MINDY3: variants seen among roughly 807,000 people sequenced by gnomAD.
The protein encoded by MINDY3 is MINDY lysine 48 deubiquitinase 3.
A neutral mutation model predicts 69.2 loss-of-function variants in MINDY3; 38 were observed. That is an observed-to-expected ratio of 0.55 (90% confidence interval 0.42 to 0.72). MINDY3 has a LOEUF of 0.72. MINDY3 is among the 30% of genes least tolerant of loss of function. MINDY3 has a pLI of 0.00. For synonymous variants in MINDY3, 192 were observed against 180.1 expected, an observed-to-expected ratio of 1.07 and a Z score of -0.53; for missense variants, 522 against 519.0, an observed-to-expected ratio of 1.01 and a Z score of -0.06.
At position 15,782,181 on chromosome 10, in the gene MINDY3, A is replaced by G. The variant is rs1836594191; in HGVS notation, c.1162T>C (p.Leu388=). 6 of 1,611,210 alleles carry G rather than the reference A, an allele frequency of 3.7e-6. No individual in the cohort carries two copies. Among genetic ancestry groups the G allele is most frequent in the African/African-American group, 1.3e-5 (1 of 74,818 alleles). ...ESFTVYHYNG[L]KQSNYNEKVM... ...TTTTCATTATAATTTGACTGCTTCA[A>G]TCCATTGTAGTGGTAGACAGTAAAA... The change falls in exon 14 of 15, where the codon TTG becomes CTG. Residue 388 remains leucine (L), a synonymous_variant. Coordinates refer to ENST00000277632, the MANE Select transcript of MINDY3 (RefSeq NM_024948.4).
At chr10:15,848,633 C>CAAA (rs10719399) in intron 1 of MINDY3, among the ~76,000 whole-genome samples, 1,811 of 48,862 alleles carry the variant, frequency 0.037, 80 homozygotes, top group Non-Finnish European at 0.044. Context: ...GACTTCATCT[C>CAAA]AAAAAAAAAA....
intron 12 of MINDY3, among the ~76,000 whole-genome samples, chr10:15,788,656 A>G (rs919041372): frequency 6.6e-6 from 1 of 152,186 alleles, no homozygotes; most frequent in African/African-American, 2.4e-5. Context: ...TAATAACTAA[A>G]GATCTTAATC....
At position 15,826,816 on chromosome 10, in the gene MINDY3, C is replaced by G. The variant is rs561605388; in HGVS notation, c.731-5090G>C. Among the ~76,000 whole-genome samples the G allele has an allele frequency of 3.3e-5, 5 of 152,120 alleles. No homozygotes were observed. In the East Asian group the frequency reaches 9.7e-4, roughly 29 times the overall value. ...TGTGGAGAACTGACTGGAATTAGGA[C>G]ATTAGATAATTCTTTGAGAAAAAGT... On this transcript the variant is annotated intron_variant, in intron 8 of 14. Coordinates refer to ENST00000277632, the MANE Select transcript of MINDY3 (RefSeq NM_024948.4).
Position 15,817,113 on chromosome 10 carries a change from T to C in MINDY3, c.802-198A>G, listed in dbSNP as rs941504448. ...GTTAGAAGACTGTCAGTACTGAGCT[T>C]ATATTGTGCTTTGACATTAAAACAA... is the stretch of plus-strand genomic sequence containing the variant. On this transcript the variant is annotated intron_variant, in intron 9 of 14. Coordinates refer to ENST00000277632, the MANE Select transcript of MINDY3 (RefSeq NM_024948.4). The C allele has an allele frequency of 3.1e-5, 16 of 514,276 alleles. 1 individual carries two copies. In the South Asian group the frequency reaches 4.9e-4, roughly 16 times the overall value. The allele number at this position is 514,276 out of a possible 1,614,324, so 31.9% of individuals were successfully genotyped here.
At chr10:15,820,512 T>G (rs1427020079) in intron 9 of MINDY3, among the ~76,000 whole-genome samples, 1 of 152,156 alleles carries the variant, frequency 6.6e-6, no homozygotes, top group African/African-American at 2.4e-5. Context: ...GTATATGTGT[T>G]AGGGGGAAGG....
At chr10:15,827,352 G>A (rs1269674433) in intron 8 of MINDY3, among the ~76,000 whole-genome samples, 1 of 151,868 alleles carries the variant, frequency 6.6e-6, no homozygotes, top group Non-Finnish European at 1.5e-5. Context: ...GACCAGCCTG[G>A]CTAACATGGT....
At chr10:15,852,152 T>C (rs1834346369) in intron 1 of MINDY3, among the ~76,000 whole-genome samples, 1 of 152,196 alleles carries the variant, frequency 6.6e-6, no homozygotes, top group South Asian at 2.1e-4. Flanking sequence ...CTGTAGTTAT[T>C]GTTTGTTTAC....
At chr10:15,790,626 G>T (rs1347131958) in intron 11 of MINDY3, among the ~76,000 whole-genome samples, 1 of 152,052 alleles carries the variant, frequency 6.6e-6, no homozygotes, top group Admixed American at 6.6e-5. Context: ...AGGTTTCTGT[G>T]TTTATAGGCT....
At chr10:15,796,734 C>T (rs1362842046) in intron 10 of MINDY3, among the ~76,000 whole-genome samples, 8 of 151,946 alleles carry the variant, frequency 5.3e-5, no homozygotes, top group Admixed American at 5.3e-4. Context: ...AAAGGAAACA[C>T]CCTAGAGGAC....
intron 3 of MINDY3, among the ~76,000 whole-genome samples, chr10:15,842,399 ATATAG>A (rs1328300350): frequency 2.0e-5 from 3 of 151,906 alleles, no homozygotes; most frequent in Non-Finnish European, 4.4e-5. Context: ...AATATAGTGA[ATATAG>A]TATAAGAAAT....
At chr10:15,795,674 T>C (rs994667657) in intron 11 of MINDY3, among the ~76,000 whole-genome samples, 5 of 152,068 alleles carry the variant, frequency 3.3e-5, no homozygotes, top group African/African-American at 1.2e-4. Flanking sequence ...TAGCTAAGCA[T>C]AGGCTCCAAA....
In MINDY3 at chr10:15,833,310, G is replaced by A. The variant is rs180852962; in HGVS notation, c.730+320C>T. 2.0e-3 allele frequency among the ~76,000 whole-genome samples: 305 copies of A among 152,266 alleles called. 3 individuals carry two copies. The highest frequency in any genetic ancestry group is 6.1e-3 in the African/African-American group (252 of 41,550). On this transcript the variant is annotated intron_variant, in intron 8 of 14. Coordinates refer to ENST00000277632, the MANE Select transcript of MINDY3 (RefSeq NM_024948.4). The stretch of plus-strand genomic sequence containing the variant: ...TAATGCTCCATTTTAAGCAAAGAGT[G>A]CAGTAATATCTCTGAATAAATATGC...
At chr10:15,790,254 GTCTTTTCTATTCTTAAACC>G (rs373247788) in intron 11 of MINDY3, among the ~76,000 whole-genome samples, 1,693 of 152,198 alleles carry the variant, frequency 0.011, 12 homozygotes, top group African/African-American at 0.013. Flanking sequence ...TTGTAGAAAG[GTCTTTTCTATTCTTAAACC>G]TCTTTTCTAT....
intron 9 of MINDY3, chr10:15,817,168 T>C (rs566902453): frequency 3.8e-5 from 14 of 367,958 alleles, no homozygotes; most frequent in Non-Finnish European, 4.8e-5. Flanking sequence ...CAGCTGGAGA[T>C]AACTATTTAG....
rs868681566 is a variant in MINDY3, at chr10:15,856,133, T to G, written c.94+4073A>C. Among the ~76,000 whole-genome samples the G allele has an allele frequency of 2.0e-5, 3 of 152,188 alleles. No individual in the cohort carries two copies. In the South Asian group the frequency reaches 6.2e-4, roughly 32 times the overall value. Reference sequence around the variant, plus strand: ...GTGATCCACAGTATTAGCTTCACTTTGGAAGAAAAATTAATGATGTTGGTG... The same window carrying G: ...GTGATCCACAGTATTAGCTTCACTTGGGAAGAAAAATTAATGATGTTGGTG... On this transcript the variant is annotated intron_variant, in intron 1 of 14. Transcript: ENST00000277632.
rs1837805395 is a variant in MINDY3, at chr10:15,796,153, G to A, written c.902C>T (p.Pro301Leu). 1 of 1,612,562 alleles carries A rather than the reference G, an allele frequency of 6.2e-7. No homozygotes were observed. The highest frequency in any genetic ancestry group is 1.1e-5 in the South Asian group (1 of 90,982). ...FFAKDMALVA[P>L]EAPSEQARRV... is the part of the protein sequence containing the mutation. ...TCTGGCTTGTTCTGAAGGAGCTTCA[G>A]GGGCAACTAAAGCCATATCCTGAAA... is the stretch of plus-strand genomic sequence containing the variant. The change falls in exon 11 of 15, where the codon CCT becomes CTT. Residue 301 changes from proline (P) to leucine (L), a missense_variant. Physicochemically the swap from Pro to Leu is moderately conservative, Grantham distance 98. Transcript: ENST00000277632.
At chr10:15,799,870 G>GCTAA (rs1327362660) in intron 10 of MINDY3, among the ~76,000 whole-genome samples, 1 of 152,142 alleles carries the variant, frequency 6.6e-6, no homozygotes, top group African/African-American at 2.4e-5. Flanking sequence ...CTCACTGTTA[G>GCTAA]CTAACTGCGA....
At chr10:15,845,870 T>C (rs1833804603) in intron 2 of MINDY3, among the ~76,000 whole-genome samples, 1 of 133,604 alleles carries the variant, frequency 7.5e-6, no homozygotes, top group African/African-American at 2.9e-5. Flanking sequence ...TCACCCGAGC[T>C]AGAGTGCAGT....
In MINDY3 at chr10:15,816,837, T is replaced by C; in HGVS notation, c.880A>G (p.Lys294Glu). The change falls in exon 10 of 15, where the codon AAG becomes GAG. Residue 294 changes from lysine to glutamate, a missense_variant and splice_region_variant. Lys to Glu is a moderately conservative substitution (Grantham distance 56). Transcript: ENST00000277632. ...AAAAAATCCTGCTATAAGCATACCT[T>C]GGCAAAAAATACGGTGAGGTGAGTC... ...SETHLTVFFA[K>E]DMALVAPEAP... The C allele has an allele frequency of 6.2e-7, 1 of 1,611,822 alleles. No homozygotes were observed.
Sources: gnomAD v4.1 joint callset for allele counts (sites outside exome capture counted in the v4.1 genomes callset) on GRCh38, gnomAD v4.1.1 for gene constraint, MANE v1.5 for transcripts, NCBI Gene and HGNC (gene_info 2026-07-23, HGNC 2026-07-21) for gene names.